TMPRSS9: variants seen among roughly 807,000 people sequenced by gnomAD.
The protein encoded by TMPRSS9 is transmembrane serine protease 9.
Under a neutral mutation model 111.4 loss-of-function variants are expected in TMPRSS9, and 113 were observed. The observed-to-expected ratio is 1.01, with a 90% CI of 0.87 to 1.19. The LOEUF (loss-of-function observed/expected upper bound fraction) is 1.19, where lower values mean the gene tolerates loss of function less well. Among genes scored for constraint, TMPRSS9 ranks in the 50% most tolerant of loss-of-function variants. The pLI is 0.00. For missense variants in TMPRSS9, 1,803 were observed against 1,513.1 expected, an observed-to-expected ratio of 1.19 and a Z score of -3.18; for synonymous variants, 805 against 659.1, an observed-to-expected ratio of 1.22 and a Z score of -3.39.
intron 4 of TMPRSS9, among the ~76,000 whole-genome samples, chr19:2,401,700 C>T (rs547138842): frequency 3.3e-5 from 5 of 150,536 alleles, no homozygotes; most frequent in East Asian, 2.0e-4. Flanking sequence ...CTCTGCCTCC[C>T]GGGTTCAAGC....
exon 2 of TMPRSS9, chr19:2,396,611 T>G: frequency 2.5e-6 from 4 of 1,602,694 alleles, no homozygotes; most frequent in Non-Finnish European, 3.4e-6. Flanking sequence ...ACCAGCAGTT[T>G]GCGGCGGGAG....
At chr19:2,395,465 C>A (rs1311988824) in intron 1 of TMPRSS9, among the ~76,000 whole-genome samples, 1 of 151,548 alleles carries the variant, frequency 6.6e-6, no homozygotes, top group Non-Finnish European at 1.5e-5. Context: ...GTGGCTCATG[C>A]CTGTTAATCC....
chr19:2,391,362 G>GT (rs372470176), intron 1 of TMPRSS9, among the ~76,000 whole-genome samples: 76,380 of 142,576 alleles, frequency 0.54, 21,034 homozygotes, highest in Middle Eastern at 0.67. Flanking sequence ...ATCCTCCTAG[G>GT]TTTTTTTTTT....
chr19:2,411,400 CTTT>C (rs571815184), intron 9 of TMPRSS9, among the ~76,000 whole-genome samples: 1 of 100,672 alleles, frequency 9.9e-6, no homozygotes, highest in African/African-American at 3.8e-5. Flanking sequence ...TCTTCTTCTT[CTTT>C]TTTTTTTTTT....
chr19:2,385,962 A>G (rs769616146), upstream of TMPRSS9, among the ~76,000 whole-genome samples: 1 of 151,966 alleles, frequency 6.6e-6, no homozygotes, highest in Non-Finnish European at 1.5e-5. Flanking sequence ...TATTATTACT[A>G]GAGACTGGGT....
chr19:2,425,880 T>C (rs1298400314), intron 17 of TMPRSS9, 47 bp from the exon 19 acceptor site: 1 of 1,540,728 alleles, frequency 6.5e-7, no homozygotes, highest in Non-Finnish European at 8.7e-7. Flanking sequence ...AGGGCTGCTG[T>C]AGGGGAGGTA....
intron 2 of TMPRSS9, among the ~76,000 whole-genome samples, chr19:2,397,752 A>G (rs1970740110): frequency 6.6e-6 from 1 of 151,372 alleles, no homozygotes; most frequent in African/African-American, 2.4e-5. Flanking sequence ...AAATCCCACC[A>G]TTAGTAAAAA....
At chr19:2,414,121 C>A in intron 10 of TMPRSS9, 103 bp downstream of exon 11, 1 of 1,239,060 alleles carries the variant, frequency 8.1e-7, no homozygotes, top group Non-Finnish European at 1.1e-6. Flanking sequence ...TCTTCCTGTT[C>A]AAGGAAAGGT....
At chr19:2,409,487 C>T (rs943168426) in intron 8 of TMPRSS9, among the ~76,000 whole-genome samples, 1 of 152,028 alleles carries the variant, frequency 6.6e-6, no homozygotes. Context: ...TAAATAGTCA[C>T]CTGTGGCCAG....
chr19:2,415,843 T>TA lies in TMPRSS9; in HGVS notation c.1745+4dup. On this transcript the variant is annotated splice_region_variant and intron_variant, in intron 11 of 17. Coordinates refer to ENST00000648592, the Ensembl canonical transcript of TMPRSS9. Reference sequence around the variant, plus strand: ...GTCTGCCGCCCACTGCTTCAACCAGTAAGGCCCGCCTCCTCCAGGAAGGCT... The same window carrying TA: ...GTCTGCCGCCCACTGCTTCAACCAGTAAAGGCCCGCCTCCTCCAGGAAGGCT... The TA allele has an allele frequency of 6.3e-7, 1 of 1,578,430 alleles. No homozygotes were observed. The highest frequency in any genetic ancestry group is 8.6e-7 in the Non-Finnish European group (1 of 1,158,140).
intron 1 of TMPRSS9, among the ~76,000 whole-genome samples, chr19:2,377,243 C>CTGTATGTATGTATGTA (rs71178267): frequency 7.4e-6 from 1 of 135,102 alleles, no homozygotes; most frequent in Non-Finnish European, 1.6e-5. Context: ...TCTTTTTTTA[C>CTGTATGTATGTATGTA]TGTATGTATG....
At chr19:2,371,966 T>C (rs1231145292) in intron 1 of TMPRSS9, among the ~76,000 whole-genome samples, 2 of 152,110 alleles carry the variant, frequency 1.3e-5, no homozygotes, top group African/African-American at 4.8e-5. Flanking sequence ...TTTGGTGCGA[T>C]CTCGGCTCAC....
chr19:2,373,162 T>C (rs1372712950), intron 1 of TMPRSS9, among the ~76,000 whole-genome samples: 2 of 151,910 alleles, frequency 1.3e-5, no homozygotes, highest in Admixed American at 6.6e-5. Flanking sequence ...GGACTTTGCA[T>C]TATAATGAGA....
At chr19:2,394,526 T>C (rs866223513) in intron 1 of TMPRSS9, among the ~76,000 whole-genome samples, 1 of 152,042 alleles carries the variant, frequency 6.6e-6, no homozygotes, top group Non-Finnish European at 1.5e-5. Flanking sequence ...TGCAGTTGTT[T>C]AGAGTAGAAA....
intron 2 of TMPRSS9, among the ~76,000 whole-genome samples, chr19:2,398,000 C>T (rs1292298172): frequency 6.8e-6 from 1 of 146,210 alleles, no homozygotes. Context: ...CCTCCCACCT[C>T]AGCCTCCCGA....
chr19:2,384,995 A>G (rs984480673), upstream of TMPRSS9, among the ~76,000 whole-genome samples: 4 of 147,434 alleles, frequency 2.7e-5, no homozygotes, highest in East Asian at 4.1e-4. Context: ...AAAAAAAAAA[A>G]AGAGAGAAAA....
In TMPRSS9 at chr19:2,402,035, C is replaced by A. The variant is rs1970860809; in HGVS notation, c.556+19C>A. ...AAATCAGGTATGTTTTTCTCTCTGG[C>A]CTTTTCTCTGATTGCAGTTACTGAC... On this transcript the variant is annotated intron_variant, in intron 5 of 17. Transcript: ENST00000648592. 1.2e-6 allele frequency: 2 copies of A among 1,608,274 alleles called. No homozygotes were observed. Among genetic ancestry groups the A allele is most frequent in the South Asian group, 1.1e-5 (1 of 90,928 alleles).
intron 1 of TMPRSS9, among the ~76,000 whole-genome samples, chr19:2,365,267 A>G (rs1347261341): frequency 2.6e-5 from 4 of 152,018 alleles, no homozygotes; most frequent in African/African-American, 9.7e-5. Flanking sequence ...ACAAGATACC[A>G]TTGCTGCAAA....
chr19:2,416,715 C>T lies in TMPRSS9; in HGVS notation c.1923C>T (p.Tyr641=), dbSNP rs1040750640. Residue 641 remains tyrosine, a synonymous_variant, in exon 12 of 18, where the codon TAC becomes TAT. Transcript: ENST00000648592. ...CCAGCCCCCTGGCCTTCAACAAATA[C>T]ATCCAGCCTGTCTGCCTGCCCCTGG... 5 of 1,613,108 alleles carry T rather than the reference C, an allele frequency of 3.1e-6. No homozygotes were observed. The African/African-American group carries it at 4.0e-5, about 13-fold the overall frequency.
Sources: allele counts gnomAD v4.1 joint callset (sites outside exome capture counted in the v4.1 genomes callset), GRCh38; gene constraint gnomAD v4.1.1; transcripts MANE v1.5; gene names NCBI Gene and HGNC (gene_info 2026-07-23, HGNC 2026-07-21).